Variants in NDUFA10 observed in about 807,000 individuals in gnomAD.
The protein encoded by NDUFA10 is NADH:ubiquinone oxidoreductase subunit A10, also known as NADH dehydrogenase [ubiquinone] 1 alpha subcomplex subunit 10, mitochondrial.
In NDUFA10, 40 loss-of-function variants were observed where a neutral mutation model predicts 47.8. The ratio of observed to expected loss-of-function variants is 0.84; its 90% CI spans 0.65 to 1.09. The LOEUF (loss-of-function observed/expected upper bound fraction) is 1.09. Among genes scored for constraint, NDUFA10 ranks in the 50% least tolerant of loss-of-function variants. The probability of loss-of-function intolerance (pLI) is 0.00; values close to 1 mark genes in which losing one functional copy is unlikely to be tolerated. For missense variants in NDUFA10, 413 were observed against 451.1 expected (o/e 0.92, Z 0.76); for synonymous variants, 183 against 172.2 (o/e 1.06, Z -0.49).
rs190220356 is a variant in NDUFA10 at position 239,910,361 on chromosome 2, T to G, written c.295-15047A>C. ...CTGGGTAAAGAAAATGTGGCACATA[T>G]ACACCATGGAATACTATGCAGCCAT... On this transcript the variant is annotated intron_variant, in intron 4 of 5. Coordinates refer to the NDUFA10 transcript ENST00000419408. 8.2e-3 allele frequency among the ~76,000 whole-genome samples: 1,247 copies of G among 152,294 alleles called. 12 individuals carry two copies. The highest frequency in any genetic ancestry group is 0.011 in the Non-Finnish European group (747 of 68,016).
intron 9 of NDUFA10, among the ~76,000 whole-genome samples, chr2:239,971,765 G>A (rs1002504536): frequency 3.9e-5 from 6 of 152,148 alleles, no homozygotes; most frequent in African/African-American, 1.4e-4. Context: ...GTAAATATTC[G>A]TTGAATTAAA....
At chr2:239,977,152 C>T (rs1045361052) in intron 9 of NDUFA10, among the ~76,000 whole-genome samples, 11 of 152,138 alleles carry the variant, frequency 7.2e-5, no homozygotes, top group Non-Finnish European at 2.9e-5. Flanking sequence ...ACAAGAGAGA[C>T]AGCAAGTCTA....
chr2:239,924,778 G>T (rs1694042228), intron 4 of NDUFA10, among the ~76,000 whole-genome samples: 1 of 152,070 alleles, frequency 6.6e-6, no homozygotes, highest in African/African-American at 2.4e-5. Flanking sequence ...CTTCTTATTT[G>T]CAGATGACAT....
In NDUFA10 at chr2:240,021,230, A is replaced by G; in HGVS notation, c.427T>C (p.Tyr143His). The G allele has an allele frequency of 6.2e-7, 1 of 1,614,214 alleles. No homozygotes were observed. ...SWLYSSRLLQ[Y>H]SDALEHLLTT... is the part of the protein sequence containing the mutation. ...AGCAAGTGCTCCAAGGCATCTGAGT[A>G]CTGCAGCAGGCGACTGCTGTACAAC... Residue 143 changes from tyrosine (Y) to histidine (H), a missense_variant, in exon 3 of 10, where the codon TAC (tyrosine) becomes CAC (histidine). Physicochemically the swap from Tyr to His is moderately conservative, Grantham distance 83. Transcript: ENST00000252711.
At chr2:240,007,829 C>T (rs1476801918) in intron 6 of NDUFA10, among the ~76,000 whole-genome samples, 1 of 151,650 alleles carries the variant, frequency 6.6e-6, no homozygotes, top group East Asian at 1.9e-4. Flanking sequence ...CAGGGCCTAA[C>T]CGAGCACAGG....
At chr2:239,908,687 A>T (rs1484353123) in intron 4 of NDUFA10, among the ~76,000 whole-genome samples, 3 of 152,266 alleles carry the variant, frequency 2.0e-5, no homozygotes, top group Non-Finnish European at 4.4e-5. Flanking sequence ...ACTTACTGTT[A>T]ACAGAGATCA....
At chr2:240,021,478 G>A (rs1574902013) in intron 2 of NDUFA10, 66 bp from the exon 3 acceptor site, 4 of 1,454,998 alleles carry the variant, frequency 2.7e-6, no homozygotes, top group African/African-American at 2.8e-5. Context: ...GAGCAGTGGG[G>A]ACTAGCCAAA....
chr2:239,907,754 C>T (rs912312936), intron 4 of NDUFA10, among the ~76,000 whole-genome samples: 1 of 152,148 alleles, frequency 6.6e-6, no homozygotes, highest in Non-Finnish European at 1.5e-5. Flanking sequence ...ACAACAGGTG[C>T]TGGAGAGGAT....
At chr2:239,996,727 G>A (rs1574864020) in intron 8 of NDUFA10, among the ~76,000 whole-genome samples, 1 of 151,978 alleles carries the variant, frequency 6.6e-6, no homozygotes, top group Non-Finnish European at 1.5e-5. Context: ...TCCAACCCAT[G>A]GCTGTATTCA....
intron 4 of NDUFA10, among the ~76,000 whole-genome samples, chr2:239,919,511 G>A (rs759324298): frequency 1.4e-5 from 2 of 141,026 alleles, no homozygotes; most frequent in Non-Finnish European, 3.0e-5. Context: ...TGGGCATGCG[G>A]AACGGGGTAA....
At chr2:239,954,673 G>A (rs1694617993), downstream of NDUFA10, among the ~76,000 whole-genome samples, 2 of 152,264 alleles carry the variant, frequency 1.3e-5, no homozygotes, top group African/African-American at 4.8e-5. Flanking sequence ...AGGAGGGGCT[G>A]TTTTAAGTTA....
chr2:240,024,554 C>G (rs1189125498), intron 1 of NDUFA10, among the ~76,000 whole-genome samples: 1 of 152,162 alleles, frequency 6.6e-6, no homozygotes, highest in Non-Finnish European at 1.5e-5. Context: ...CTATTACACA[C>G]GTGTCAAAAC....
At chr2:240,009,233 T>C (rs1697053534) in intron 6 of NDUFA10, among the ~76,000 whole-genome samples, 1 of 152,234 alleles carries the variant, frequency 6.6e-6, no homozygotes, top group Non-Finnish European at 1.5e-5. Context: ...GCTCCTCTTC[T>C]TGTCTCTGAA....
chr2:240,013,771 T>G (rs1283971160), intron 5 of NDUFA10: 1 of 152,180 alleles, frequency 6.6e-6, no homozygotes, highest in Non-Finnish European at 1.5e-5. Flanking sequence ...CCTGAGCACC[T>G]ACAAGAATTC....
chr2:239,913,519 C>A (rs907252684), intron 4 of NDUFA10, among the ~76,000 whole-genome samples: 1 of 152,192 alleles, frequency 6.6e-6, no homozygotes, highest in African/African-American at 2.4e-5. Flanking sequence ...GCACCTCAGA[C>A]GCCTCCACGT....
chr2:239,989,293 G>C (rs1696150523), intron 9 of NDUFA10, among the ~76,000 whole-genome samples: 1 of 152,226 alleles, frequency 6.6e-6, no homozygotes. Context: ...CTTTCAGTGG[G>C]TGCTTCAGGC....
At chr2:240,000,731 C>T (rs902045868) in intron 8 of NDUFA10, among the ~76,000 whole-genome samples, 2 of 152,120 alleles carry the variant, frequency 1.3e-5, no homozygotes, top group African/African-American at 2.4e-5. Flanking sequence ...ACCTTTTATA[C>T]CATATTATTT....
At chr2:239,940,923 T>C (rs1328718568) in intron 4 of NDUFA10, among the ~76,000 whole-genome samples, 2 of 152,204 alleles carry the variant, frequency 1.3e-5, no homozygotes, top group African/African-American at 4.8e-5. Context: ...TAGAATCCAA[T>C]AACCTTGAGG....
At chr2:239,916,992 A>C (rs1693891107) in intron 4 of NDUFA10, among the ~76,000 whole-genome samples, 1 of 152,234 alleles carries the variant, frequency 6.6e-6, no homozygotes, top group Non-Finnish European at 1.5e-5. Flanking sequence ...CACTGTGGAC[A>C]TAACACTTGC....
Sources: gnomAD v4.1 joint callset for allele counts (sites outside exome capture counted in the v4.1 genomes callset) on GRCh38, gnomAD v4.1.1 for gene constraint, MANE v1.5 for transcripts, NCBI Gene and HGNC (gene_info 2026-07-23, HGNC 2026-07-21) for gene names.